AP2A2: variants seen among roughly 807,000 people sequenced by gnomAD.
AP2A2 encodes AP-2 complex subunit alpha-2.
Under a neutral mutation model 104.2 loss-of-function variants are expected in AP2A2, and 32 were observed. The observed-to-expected ratio is 0.31, with a 90% CI of 0.23 to 0.41. The LOEUF (loss-of-function observed/expected upper bound fraction) is 0.41, where lower values mean the gene tolerates loss of function less well. AP2A2 is among the 10% of genes least tolerant of loss of function. The pLI is 1.00. For missense variants in AP2A2, 912 were observed against 1,261.0 expected (o/e 0.72, Z 4.19); for synonymous variants, 539 against 533.3 (o/e 1.01, Z -0.15).
In AP2A2 at chr11:1,010,747, C is replaced by CCCA. The variant is rs1217665137; in HGVS notation, c.*124_*125insACC. On this transcript the variant is annotated 3_prime_UTR_variant, in exon 22 of 22. Transcript: ENST00000448903. Reference sequence around the variant, plus strand: ...GCCACAGCACAAGGCGCCTCCCCGCCCCGCCGCCCCACACCTCTCCCCTTT... The same window carrying CCCA: ...GCCACAGCACAAGGCGCCTCCCCGCCCCACCGCCGCCCCACACCTCTCCCCTTT... 2.5e-6 allele frequency: 2 copies of CCCA among 809,292 alleles called. No homozygotes were observed. Among genetic ancestry groups the CCCA allele is most frequent in the East Asian group, 5.3e-5 (2 of 37,630 alleles). The allele number at this position is 809,292 out of a possible 1,614,324, so 50.1% of individuals were successfully genotyped here.
intron 4 of AP2A2, among the ~76,000 whole-genome samples, chr11:975,893 G>A (rs1428956911): frequency 6.6e-6 from 1 of 152,220 alleles, no homozygotes; most frequent in African/African-American, 2.4e-5. Flanking sequence ...TCCCCTTGGT[G>A]TGAGCTGATG....
chr11:988,820 C>T (rs1855550674), intron 10 of AP2A2, 131 bp downstream of exon 10: 2 of 1,185,374 alleles, frequency 1.7e-6, no homozygotes, highest in Non-Finnish European at 1.2e-6. Context: ...ATACAAGGCT[C>T]CTCTGCCTCT....
intron 9 of AP2A2, among the ~76,000 whole-genome samples, chr11:987,232 C>T (rs1304639087): frequency 2.0e-5 from 3 of 152,246 alleles, no homozygotes; most frequent in Admixed American, 6.5e-5. Flanking sequence ...GTGTGCCATC[C>T]TGCGCGTGCA....
chr11:960,833 T>A (rs1292202555), intron 2 of AP2A2, among the ~76,000 whole-genome samples: 1 of 146,474 alleles, frequency 6.8e-6, no homozygotes, highest in Admixed American at 6.8e-5. Flanking sequence ...GGTTTTTGTA[T>A]TTTTAGTAGA....
chr11:977,562 C>T (rs1469588586), intron 5 of AP2A2, among the ~76,000 whole-genome samples: 4 of 150,970 alleles, frequency 2.6e-5, no homozygotes, highest in African/African-American at 7.3e-5. Flanking sequence ...TAGGCTCTAA[C>T]GTGCAGTCTT....
intron 8 of AP2A2, among the ~76,000 whole-genome samples, chr11:986,482 G>A (rs916804891): frequency 2.0e-5 from 3 of 152,148 alleles, no homozygotes; most frequent in East Asian, 1.9e-4. Flanking sequence ...CAGCTTGACC[G>A]GCCTCCCGCG....
chr11:929,521 A>G (rs114266330), intron 1 of AP2A2, among the ~76,000 whole-genome samples: 1 of 152,196 alleles, frequency 6.6e-6, no homozygotes, highest in Non-Finnish European at 1.5e-5. Flanking sequence ...GCGGATTTTG[A>G]GCTGAAATAT....
At chr11:972,439 A>G (rs552280327) in intron 4 of AP2A2, among the ~76,000 whole-genome samples, 184 bp downstream of exon 4, 27 of 152,352 alleles carry the variant, frequency 1.8e-4, no homozygotes, top group Admixed American at 1.4e-3. Context: ...TCACGCCTCT[A>G]ATCCCAGGAC....
chr11:972,150 G>T lies in AP2A2; in HGVS notation c.368G>T (p.Arg123Leu), dbSNP rs752922457. The part of the protein sequence containing the change: ...NNAIKNDLAS[R>L]NPTFMGLALH... The stretch of plus-strand genomic sequence containing the variant: ...GCCATCAAGAATGACCTGGCCAGCC[G>T]CAACCCCACCTTCATGGGCCTGGCC... Residue 123 changes from arginine (R) to leucine (L), a missense_variant, in exon 4 of 22, where the codon CGC becomes CTC. This residue lies in a region of AP2A2 where 350 missense variants were observed against 487.0 expected (regional missense o/e 0.72). Coordinates refer to ENST00000448903, the MANE Select transcript of AP2A2 (RefSeq NM_012305.4). 6.2e-7 allele frequency: 1 copy of T among 1,613,290 alleles called. No homozygotes were observed. Among genetic ancestry groups the T allele is most frequent in the African/African-American group, 1.3e-5 (1 of 75,052 alleles).
chr11:967,822 C>T (rs117367662), intron 2 of AP2A2, among the ~76,000 whole-genome samples: 5,442 of 152,300 alleles, frequency 0.036, 122 homozygotes, highest in Middle Eastern at 0.071. Context: ...AGCCATCTCT[C>T]CTCTGATCTG....
chr11:941,391 T>G (rs529797424), intron 1 of AP2A2, among the ~76,000 whole-genome samples: 1 of 152,170 alleles, frequency 6.6e-6, no homozygotes, highest in Non-Finnish European at 1.5e-5. Flanking sequence ...TTCTGATATA[T>G]TCTTGATTTA....
intron 10 of AP2A2, among the ~76,000 whole-genome samples, chr11:991,413 C>T (rs1291259708): frequency 6.6e-5 from 10 of 152,106 alleles, no homozygotes; most frequent in Non-Finnish European, 1.0e-4. Flanking sequence ...TGGACTTCTG[C>T]AGAAGGTGAT....
chr11:953,556 C>CG (rs1408584257), intron 1 of AP2A2, among the ~76,000 whole-genome samples: 1 of 151,984 alleles, frequency 6.6e-6, no homozygotes, highest in East Asian at 1.9e-4. Flanking sequence ...CCCCCCCCCC[C>CG]CATTGTCTTC....
intron 1 of AP2A2, among the ~76,000 whole-genome samples, chr11:926,340 G>A (rs1853120854): frequency 6.8e-6 from 1 of 148,088 alleles, no homozygotes; most frequent in Admixed American, 6.7e-5. Flanking sequence ...TCGGGTATGG[G>A]GGTGCGGGTC....
intron 2 of AP2A2, among the ~76,000 whole-genome samples, chr11:965,684 T>C (rs1854591039): frequency 6.6e-6 from 1 of 152,222 alleles, no homozygotes; most frequent in African/African-American, 2.4e-5. Flanking sequence ...TGGCCCCGGC[T>C]GACCTGCAGA....
chr11:983,691 T>C (rs1037221255), intron 6 of AP2A2, among the ~76,000 whole-genome samples: 12 of 152,238 alleles, frequency 7.9e-5, no homozygotes, highest in Admixed American at 2.0e-4. Flanking sequence ...CCTAGTCTCT[T>C]TTTAAACGCT....
Position 985,478 on chromosome 11 carries a change from C to G in AP2A2, c.858C>G (p.Ile286Met), listed in dbSNP as rs1257169382. 6.2e-7 allele frequency: 1 copy of G among 1,613,998 alleles called. No individual in the cohort carries two copies. Among genetic ancestry groups the G allele is most frequent in the Non-Finnish European group, 8.5e-7 (1 of 1,179,898 alleles). The change falls in exon 8 of 22, where the codon ATC (isoleucine) becomes ATG (methionine). Residue 286 changes from isoleucine (I) to methionine (M), a missense_variant. By Grantham distance (10) the Ile-to-Met change is conservative (BLOSUM62 1). This residue lies in a region of AP2A2 where 350 missense variants were observed against 487.0 expected (regional missense o/e 0.72). Transcript: ENST00000448903. ...GCCTGACTGAGTGCCTGGAGACCAT[C>G]CTGAACAAAGCCCAAGAACCGCCCA... Reference protein sequence around the residue: ...RGRLTECLETILNKAQEPPKS... With the variant: ...RGRLTECLETMLNKAQEPPKS...
At position 1,000,512 on chromosome 11, in the gene AP2A2, C is replaced by T. The variant is rs951513234; in HGVS notation, c.2037C>T (p.Gly679=). The change falls in exon 15 of 22, where the codon GGC becomes GGT. Residue 679 remains glycine (G), a synonymous_variant. Transcript: ENST00000448903. Reference sequence around the variant, plus strand: ...CCGCGGGCCCCCCACCCTCCTCCGGCGGCAGCGGGCTGCTCGTGGACGTGT... The same window carrying T: ...CCGCGGGCCCCCCACCCTCCTCCGGTGGCAGCGGGCTGCTCGTGGACGTGT... The part of the protein sequence containing the change: ...PAPAGPPPSS[G]GSGLLVDVFS... 1.0e-5 allele frequency: 16 copies of T among 1,541,264 alleles called. No homozygotes were observed. Among genetic ancestry groups the T allele is most frequent in the Admixed American group, 7.8e-5 (4 of 51,358 alleles).
At chr11:955,714 A>G (rs1287469873) in intron 1 of AP2A2, among the ~76,000 whole-genome samples, 1 of 152,190 alleles carries the variant, frequency 6.6e-6, no homozygotes, top group Non-Finnish European at 1.5e-5. Context: ...GGCTCAAAGG[A>G]GTGTTTGTTC....
Sources: gnomAD v4.1 joint callset for allele counts (sites outside exome capture counted in the v4.1 genomes callset) on GRCh38, gnomAD v4.1.1 for gene constraint, gnomAD v4.1.1 regional missense constraint, MANE v1.5 for transcripts, NCBI Gene and HGNC (gene_info 2026-07-23, HGNC 2026-07-21) for gene names.